Variants in NAA15 observed in about 807,000 individuals in gnomAD.
NAA15 encodes the protein N-terminal acetyltransferase.
A neutral mutation model predicts 114.0 loss-of-function variants in NAA15; 34 were observed. That is an observed-to-expected ratio of 0.30 (90% CI 0.23 to 0.40). The LOEUF (loss-of-function observed/expected upper bound fraction) is 0.40. Ranked by LOEUF, NAA15 falls within the 10% of genes least tolerant of loss-of-function variation. The pLI is 1.00. For synonymous variants in NAA15, 340 were observed against 338.0 expected (o/e 1.01, Z -0.06); for missense variants, 658 against 1,004.5 (o/e 0.66, Z 4.66).
At chr4:139,370,669 T>C (rs1748410791) in intron 15 of NAA15, among the ~76,000 whole-genome samples, 1 of 152,198 alleles carries the variant, frequency 6.6e-6, no homozygotes, top group Middle Eastern at 3.2e-3. Flanking sequence ...CAGATCTGGG[T>C]CCAGATATTA....
At chr4:139,344,409 G>C in intron 6 of NAA15, 70 bp downstream of exon 6, 1 of 1,261,186 alleles carries the variant, frequency 7.9e-7, no homozygotes, top group Non-Finnish European at 1.1e-6. Flanking sequence ...AAATCTAGTT[G>C]CTGCTGACAG....
chr4:139,387,452 T>A (rs1331092525), intron 19 of NAA15, among the ~76,000 whole-genome samples: 1 of 152,266 alleles, frequency 6.6e-6, no homozygotes, highest in Non-Finnish European at 1.5e-5. Context: ...TTGAGTTTGC[T>A]GGCTGGCTCT....
intron 3 of NAA15, 114 bp downstream of exon 3, chr4:139,337,066 T>TTA: frequency 5.8e-6 from 3 of 514,602 alleles, no homozygotes; most frequent in Non-Finnish European, 9.9e-6. Flanking sequence ...GGAAATTATT[T>TTA]TTTAAATAGG....
At position 139,315,060 on chromosome 4, in the gene NAA15, GTTTAGTTTAGT is replaced by G. The variant is rs1560953073; in HGVS notation, c.54+13232_54+13242del. 2.2e-3 allele frequency among the ~76,000 whole-genome samples: 282 copies of G among 130,930 alleles called. 15 individuals are homozygous for G. The Middle Eastern group carries it at 0.023, about 11-fold the overall frequency. 85.9% of individuals were successfully genotyped at this position (130,930 alleles called of 152,430 possible). A position where few individuals can be genotyped will look rare whatever the true frequency, so the allele number is the denominator to read the frequency against. ...GGTTAGGTTAGGTTAGGTTAGTTTAGTTTAGTTTAGTTTAGTTTTTGAGACGGAGTCTCGCT... is the reference window on the plus strand; with the variant it reads ...GGTTAGGTTAGGTTAGGTTAGTTTAGTTAGTTTTTGAGACGGAGTCTCGCT... On this transcript the variant is annotated intron_variant, in intron 1 of 19. Coordinates refer to ENST00000296543, the MANE Select transcript of NAA15 (RefSeq NM_057175.5).
chr4:139,323,736 G>A (rs1283406740), intron 1 of NAA15, among the ~76,000 whole-genome samples: 2 of 152,158 alleles, frequency 1.3e-5, no homozygotes, highest in Admixed American at 6.5e-5. Flanking sequence ...CGGTAGTCCT[G>A]TATTGGCTTT....
rs1466172370 is a variant in NAA15, at chr4:139,334,161, T to C, written c.55-13T>C. 6.4e-7 allele frequency: 1 copy of C among 1,555,860 alleles called. No homozygotes were observed. Among genetic ancestry groups the C allele is most frequent in the African/African-American group, 1.4e-5 (1 of 72,126 alleles). ...CCTTGCTAAACTTAAATTTTTCTTT[T>C]TTGTTTTGACAGAGGTGTTATGAAC... On this transcript the variant is annotated splice_polypyrimidine_tract_variant and intron_variant, in intron 1 of 19. Transcript: ENST00000296543.
At chr4:139,349,848 G>A (rs1305748207) in intron 7 of NAA15, among the ~76,000 whole-genome samples, 1 of 151,970 alleles carries the variant, frequency 6.6e-6, no homozygotes, top group Non-Finnish European at 1.5e-5. Context: ...AGCCTGGCAT[G>A]GTGATGTGTG....
At chr4:139,325,873 C>T (rs1428798191) in intron 1 of NAA15, among the ~76,000 whole-genome samples, 1 of 152,166 alleles carries the variant, frequency 6.6e-6, no homozygotes, top group Non-Finnish European at 1.5e-5. Flanking sequence ...GATCCTCTCA[C>T]CTCAGCCTCC....
chr4:139,360,035 C>A, intron 12 of NAA15, 140 bp downstream of exon 12: 1 of 769,054 alleles, frequency 1.3e-6, no homozygotes, highest in Non-Finnish European at 2.0e-6. Context: ...ATCACTGTAT[C>A]AGAAGATACT....
chr4:139,391,241 C>G lies in NAA15; in HGVS notation c.*3157C>G, dbSNP rs1749050040. 6.6e-6 allele frequency: 1 copy of G among 152,188 alleles called. No homozygotes were observed. The highest frequency in any genetic ancestry group is 1.5e-5 in the Non-Finnish European group (1 of 68,048). 9.4% of individuals were successfully genotyped at this position (152,188 alleles called of 1,614,324 possible). ...CCATTCTGCTATCATCTAAACTTTGCTGAACTCTACTGCCAACCTACATTA... is the reference window on the plus strand; with the variant it reads ...CCATTCTGCTATCATCTAAACTTTGGTGAACTCTACTGCCAACCTACATTA... On this transcript the variant is annotated 3_prime_UTR_variant, in exon 20 of 20. Coordinates refer to ENST00000296543, the MANE Select transcript of NAA15 (RefSeq NM_057175.5).
chr4:139,319,978 T>C (rs1475869453), intron 1 of NAA15, among the ~76,000 whole-genome samples: 1 of 152,232 alleles, frequency 6.6e-6, no homozygotes, highest in Non-Finnish European at 1.5e-5. Flanking sequence ...TGCTCTTGAG[T>C]CCATACAGTG....
intron 1 of NAA15, among the ~76,000 whole-genome samples, chr4:139,307,287 A>T (rs1432527194): frequency 2.6e-5 from 4 of 152,142 alleles, no homozygotes; most frequent in Admixed American, 2.0e-4. Context: ...TGTTTTTGTT[A>T]AGACAGGGTC....
intron 2 of NAA15, among the ~76,000 whole-genome samples, chr4:139,336,522 G>A (rs1014179375): frequency 7.2e-5 from 11 of 152,104 alleles, no homozygotes; most frequent in Non-Finnish European, 1.3e-4. Context: ...AAGTAGATAT[G>A]TAAGGTTATC....
At chr4:139,345,039 G>C (rs1747536511) in intron 6 of NAA15, among the ~76,000 whole-genome samples, 1 of 152,222 alleles carries the variant, frequency 6.6e-6, no homozygotes, top group African/African-American at 2.4e-5. Context: ...CTGAAATGCT[G>C]CTTTGTCCTT....
chr4:139,341,896 T>C (rs1747412691), intron 4 of NAA15, among the ~76,000 whole-genome samples: 1 of 151,674 alleles, frequency 6.6e-6, no homozygotes, highest in Non-Finnish European at 1.5e-5. Flanking sequence ...TCATTTTTTA[T>C]ATTCTAATAG....
At chr4:139,313,739 T>C (rs1746295182) in intron 1 of NAA15, among the ~76,000 whole-genome samples, 1 of 151,734 alleles carries the variant, frequency 6.6e-6, no homozygotes. Context: ...AGACAGGGTT[T>C]CTCCATTGGC....
At chr4:139,354,155 A>G (rs1747868501) in intron 10 of NAA15, 57 bp downstream of exon 10, 1 of 1,400,828 alleles carries the variant, frequency 7.1e-7, no homozygotes, top group Non-Finnish European at 1.0e-6. Context: ...TACATTGTGA[A>G]ATTCTTAATC....
intron 18 of NAA15, among the ~76,000 whole-genome samples, chr4:139,385,284 A>G (rs138068369): frequency 2.1e-5 from 1 of 47,316 alleles, no homozygotes; most frequent in African/African-American, 1.3e-4. Flanking sequence ...TATATATATA[A>G]TATATATATA....
At chr4:139,350,382 A>T (rs1747737140) in intron 7 of NAA15, among the ~76,000 whole-genome samples, 1 of 152,246 alleles carries the variant, frequency 6.6e-6, no homozygotes, top group African/African-American at 2.4e-5. Context: ...TGCCAGGGTC[A>T]CGTAAATGTA....
Sources: gnomAD v4.1 joint callset for allele counts (sites outside exome capture counted in the v4.1 genomes callset) on GRCh38, gnomAD v4.1.1 for gene constraint, MANE v1.5 for transcripts, NCBI Gene and HGNC (gene_info 2026-07-23, HGNC 2026-07-21) for gene names.